The following DNAH14 variants were observed in gnomAD, a reference collection of about 807,000 sequenced individuals.
The protein encoded by DNAH14 is dynein axonemal heavy chain 14, also known as axonemal beta dynein heavy chain 14.
In DNAH14, 478 loss-of-function variants were observed where a neutral mutation model predicts 520.9. The observed-to-expected ratio is 0.92, with a 90% CI of 0.85 to 0.99. The LOEUF (loss-of-function observed/expected upper bound fraction) is 0.99. DNAH14 is among the 50% of genes least tolerant of loss of function. The pLI is 0.00. For synonymous variants in DNAH14, 1,581 were observed against 1,757.2 expected (o/e 0.90, Z 2.51); for missense variants, 4,831 against 5,234.5 (o/e 0.92, Z 2.38).
chr1:225,103,067 T>C (rs1473506376), intron 23 of DNAH14, among the ~76,000 whole-genome samples: 1 of 152,226 alleles, frequency 6.6e-6, no homozygotes, highest in Admixed American at 6.5e-5. Flanking sequence ...AATTTTTGTA[T>C]GAGGTGTAAG....
intron 8 of DNAH14, among the ~76,000 whole-genome samples, chr1:224,976,085 G>A (rs975451200): frequency 1.6e-4 from 24 of 151,964 alleles, no homozygotes; most frequent in Non-Finnish European, 3.2e-4. Flanking sequence ...ACTGTGGTCT[G>A]AGAGACAGTT....
intron 77 of DNAH14, among the ~76,000 whole-genome samples, 156 bp downstream of exon 77, chr1:225,368,188 C>T (rs2095576324): frequency 6.6e-6 from 1 of 152,192 alleles, no homozygotes; most frequent in African/African-American, 2.4e-5. Context: ...GAAACATGGT[C>T]TTTGATGCCA....
At chr1:225,212,374 A>T (rs755498901) in intron 41 of DNAH14, among the ~76,000 whole-genome samples, 1 of 152,124 alleles carries the variant, frequency 6.6e-6, no homozygotes, top group African/African-American at 2.4e-5. Flanking sequence ...ATACGTGTGC[A>T]TGTGTCTTTA....
At chr1:225,160,377 C>G (rs1297777601) in intron 35 of DNAH14, among the ~76,000 whole-genome samples, 1 of 152,086 alleles carries the variant, frequency 6.6e-6, no homozygotes, top group African/African-American at 2.4e-5. Flanking sequence ...TTAAATATAA[C>G]TAATAGGCTA....
chr1:225,322,608 AG>A lies in DNAH14; in HGVS notation c.9336-53del, dbSNP rs568320182. On this transcript the variant is annotated intron_variant, in intron 61 of 85. Transcript: ENST00000682510. ...GTATATTGTCTTCTGAGATATTTAC[AG>A]GGTGCATTTCATTTTTAATTGTGAA... is the stretch of plus-strand genomic sequence containing the variant. 6.3e-3 allele frequency: 8,831 copies of A among 1,407,108 alleles called. 44 individuals carry two copies. Among genetic ancestry groups the A allele is most frequent in the Non-Finnish European group, 7.9e-3 (8,380 of 1,059,862 alleles). The allele number at this position is 1,407,108 out of a possible 1,614,324, so 87.2% of individuals were successfully genotyped here. A position where few individuals can be genotyped will look rare whatever the true frequency, so the allele number is the denominator to read the frequency against.
At chr1:225,294,206 T>C (rs1278689259) in intron 55 of DNAH14, among the ~76,000 whole-genome samples, 5 of 152,210 alleles carry the variant, frequency 3.3e-5, no homozygotes, top group Admixed American at 3.3e-4. Context: ...TTGTGGTTTT[T>C]TTTCTATATT....
At chr1:225,215,353 C>T (rs957638143) in intron 41 of DNAH14, among the ~76,000 whole-genome samples, 14 of 152,084 alleles carry the variant, frequency 9.2e-5, no homozygotes, top group South Asian at 2.1e-4. Context: ...GGAATAAATG[C>T]GATGTGGTGC....
intron 35 of DNAH14, among the ~76,000 whole-genome samples, chr1:225,164,258 C>G (rs985229376): frequency 1.6e-4 from 25 of 151,974 alleles, no homozygotes; most frequent in Non-Finnish European, 2.9e-5. Context: ...CTCCTATATC[C>G]CTCTTTGGCC....
At chr1:225,178,640 C>T (rs2083611110) in intron 36 of DNAH14, among the ~76,000 whole-genome samples, 1 of 152,186 alleles carries the variant, frequency 6.6e-6, no homozygotes, top group Non-Finnish European at 1.5e-5. Flanking sequence ...AGCCCATAGG[C>T]AGATGAGACT....
At chr1:225,240,961 C>T (rs1330846766) in intron 43 of DNAH14, 139 bp downstream of exon 43, 2 of 654,414 alleles carry the variant, frequency 3.1e-6, no homozygotes, top group Non-Finnish European at 4.9e-6. Flanking sequence ...TACCCAATAC[C>T]CTCATTATAG....
At position 225,335,684 on chromosome 1, in the gene DNAH14, CGCATATAT is replaced by C. The variant is rs1558434130; in HGVS notation, c.10081-1581_10081-1574del. Reference sequence around the variant, plus strand: ...ATACATATGTGCATATATGTATATACGCATATATACATATGTGCATATATGTATATACG... The same window carrying C: ...ATACATATGTGCATATATGTATATACACATATGTGCATATATGTATATACG... On this transcript the variant is annotated intron_variant, in intron 66 of 85. Coordinates refer to ENST00000682510, the MANE Select transcript of DNAH14 (RefSeq NM_001367479.1). Among the ~76,000 whole-genome samples, 152 of 82,550 alleles carry C rather than the reference CGCATATAT, an allele frequency of 1.8e-3. 28 individuals are homozygous for C. The highest frequency in any genetic ancestry group is 2.8e-3 in the Non-Finnish European group (114 of 40,570). The allele number at this position is 82,550 out of a possible 152,430, so 54.2% of individuals were successfully genotyped here.
At chr1:225,338,027 G>A in intron 67 of DNAH14, 34 bp from the exon 68 acceptor site, 1 of 1,481,600 alleles carries the variant, frequency 6.7e-7, no homozygotes, top group Non-Finnish European at 8.9e-7. Flanking sequence ...GTTTTAAGAT[G>A]ATTTTTCTTA....
chr1:225,152,123 C>A, intron 32 of DNAH14, 50 bp downstream of exon 32: 1 of 1,462,920 alleles, frequency 6.8e-7, no homozygotes, highest in Non-Finnish European at 9.2e-7. Context: ...AAATCATTTT[C>A]TTAAATCTTA....
chr1:225,381,845 C>A (rs1377661694), intron 81 of DNAH14, among the ~76,000 whole-genome samples: 1 of 152,134 alleles, frequency 6.6e-6, no homozygotes, highest in African/African-American at 2.4e-5. Flanking sequence ...TAGGTGCACT[C>A]TTGGTATTAC....
At chr1:225,018,274 A>G (rs1259910708) in intron 10 of DNAH14, among the ~76,000 whole-genome samples, 3 of 152,338 alleles carry the variant, frequency 2.0e-5, no homozygotes, top group East Asian at 3.9e-4. Flanking sequence ...AATTGGAGGC[A>G]TTAGACCAAG....
At chr1:225,070,452 T>A (rs1008191041) in intron 17 of DNAH14, among the ~76,000 whole-genome samples, 1 of 152,230 alleles carries the variant, frequency 6.6e-6, no homozygotes, top group Non-Finnish European at 1.5e-5. Context: ...TCTGCCTTAA[T>A]TTCATTATTT....
chr1:225,114,138 G>A (rs1192444341), intron 23 of DNAH14, among the ~76,000 whole-genome samples: 2 of 152,122 alleles, frequency 1.3e-5, no homozygotes, highest in Non-Finnish European at 2.9e-5. Flanking sequence ...AAGGCCCATG[G>A]CATGTACTAC....
Position 225,277,486 on chromosome 1 carries a change from G to A in DNAH14, c.8255G>A (p.Gly2752Glu), listed in dbSNP as rs776231127. The change falls in exon 54 of 86, where the codon GGG becomes GAG. Residue 2752 changes from glycine (G) to glutamate (E), a missense_variant. Gly to Glu is a moderately conservative substitution (Grantham distance 98, BLOSUM62 -2). Transcript: ENST00000682510. ...GCAACAAGGGTTCTTCGACAACCAG[G>A]GAGTCACATGTTACTGGTAGGAATT... Reference protein sequence around the residue: ...IRATRVLRQPGSHMLLIGIDG... With the variant: ...IRATRVLRQPESHMLLIGIDG... 1 of 470,802 alleles carries A rather than the reference G, an allele frequency of 2.1e-6. No individual in the cohort carries two copies. The highest frequency in any genetic ancestry group is 1.6e-5 in the South Asian group (1 of 64,482). 29.2% of individuals were successfully genotyped at this position (470,802 alleles called of 1,614,324 possible).
At chr1:225,144,716 C>G (rs2079762513) in intron 29 of DNAH14, 88 bp downstream of exon 29, 3 of 1,042,128 alleles carry the variant, frequency 2.9e-6, no homozygotes, top group African/African-American at 3.2e-5. Context: ...ACCATTCCTG[C>G]TATTAAGATG....
Sources: gnomAD v4.1 joint callset for allele counts (sites outside exome capture counted in the v4.1 genomes callset) on GRCh38, gnomAD v4.1.1 for gene constraint, MANE v1.5 for transcripts, NCBI Gene and HGNC (gene_info 2026-07-23, HGNC 2026-07-21) for gene names.